STPG2: variants seen among roughly 807,000 people sequenced by gnomAD.
STPG2 encodes the protein sperm tail PG-rich repeat containing 2, also known as sperm-tail PG-rich repeat-containing protein 2.
In STPG2, 56 loss-of-function variants were observed where a neutral mutation model predicts 54.2. That is an observed-to-expected ratio of 1.03 (90% confidence interval 0.83 to 1.29). The LOEUF (loss-of-function observed/expected upper bound fraction) is 1.29. Among genes scored for constraint, STPG2 ranks in the 50% most tolerant of loss-of-function variants. The pLI is 0.00. For missense variants in STPG2, 596 were observed against 544.9 expected (o/e 1.09, Z -0.93); for synonymous variants, 200 against 181.8 (o/e 1.10, Z -0.81).
At chr4:97,892,285 G>A (rs1387136794) in intron 8 of STPG2, among the ~76,000 whole-genome samples, 1 of 152,116 alleles carries the variant, frequency 6.6e-6, no homozygotes, top group Non-Finnish European at 1.5e-5. Flanking sequence ...AGTAAGGTCA[G>A]GAGTCCATAC....
In STPG2 at chr4:97,972,360, C is replaced by T. The variant is rs1437326412; in HGVS notation, c.853G>A (p.Ala285Thr). 11 of 1,609,580 alleles carry T rather than the reference C, an allele frequency of 6.8e-6. No individual in the cohort carries two copies. Among genetic ancestry groups the T allele is most frequent in the Non-Finnish European group, 9.3e-6 (11 of 1,176,948 alleles). ...GTCCGAGGAACAGAAGAACCAAATG[C>T]ACTTTTCTTCTGTTTCTTTGAGCAG... is the stretch of plus-strand genomic sequence containing the variant. ...NICSKKQKKS[A>T]FGSSVPRTFF... The change falls in exon 7 of 11, where the codon GCA becomes ACA. Residue 285 changes from alanine (A) to threonine (T), a missense_variant. Transcript: ENST00000295268.
chr4:98,038,969 A>T (rs1736859002), intron 5 of STPG2, among the ~76,000 whole-genome samples: 1 of 152,014 alleles, frequency 6.6e-6, no homozygotes, highest in South Asian at 2.1e-4. Flanking sequence ...ATCACTCTGA[A>T]GTCAGAAAAT....
chr4:97,752,046 A>G (rs1725595950), intron 9 of STPG2, among the ~76,000 whole-genome samples: 2 of 151,842 alleles, frequency 1.3e-5, no homozygotes, highest in Non-Finnish European at 2.9e-5. Flanking sequence ...TTACATTTAG[A>G]AAAACTAAAA....
At chr4:97,788,521 T>C (rs1726894152) in intron 9 of STPG2, among the ~76,000 whole-genome samples, 1 of 152,152 alleles carries the variant, frequency 6.6e-6, no homozygotes, top group Non-Finnish European at 1.5e-5. Flanking sequence ...TTGTGAACAG[T>C]GCTGCCATAA....
At chr4:97,877,207 T>C (rs967965398) in intron 8 of STPG2, among the ~76,000 whole-genome samples, 2 of 152,152 alleles carry the variant, frequency 1.3e-5, no homozygotes, top group African/African-American at 4.8e-5. Context: ...AATCAACATC[T>C]TCCCTTTTCT....
At chr4:97,813,796 T>C (rs1426011413) in intron 9 of STPG2, among the ~76,000 whole-genome samples, 1 of 150,670 alleles carries the variant, frequency 6.6e-6, no homozygotes, top group Non-Finnish European at 1.5e-5. Context: ...ACTTAAGCAT[T>C]ACAACAACTT....
At chr4:98,064,952 T>G (rs965046440) in intron 5 of STPG2, among the ~76,000 whole-genome samples, 1 of 152,182 alleles carries the variant, frequency 6.6e-6, no homozygotes, top group African/African-American at 2.4e-5. Context: ...CAGACTGGAG[T>G]GCAGTGGTGC....
chr4:97,982,627 A>C (rs1734718661), intron 5 of STPG2, among the ~76,000 whole-genome samples: 1 of 152,148 alleles, frequency 6.6e-6, no homozygotes, highest in Non-Finnish European at 1.5e-5. Context: ...CCCCTTCAGT[A>C]CATAATCTAG....
chr4:97,741,409 C>T (rs1725228910), intron 9 of STPG2, among the ~76,000 whole-genome samples: 1 of 151,942 alleles, frequency 6.6e-6, no homozygotes, highest in Admixed American at 6.6e-5. Flanking sequence ...AAGAAACTAC[C>T]ATCAGAGTGA....
chr4:97,677,655 C>T (rs903652822), intron 10 of STPG2, among the ~76,000 whole-genome samples: 4 of 152,164 alleles, frequency 2.6e-5, no homozygotes, highest in African/African-American at 9.7e-5. Context: ...ACAAGAGCAA[C>T]CCTTTCCTTT....
chr4:97,661,738 G>GAA (rs547947933), intron 10 of STPG2, among the ~76,000 whole-genome samples: 1 of 141,628 alleles, frequency 7.1e-6, no homozygotes, highest in African/African-American at 2.6e-5. Context: ...ATACAGAAAA[G>GAA]AAAAAAAAAA....
intron 8 of STPG2, among the ~76,000 whole-genome samples, chr4:97,920,690 C>T (rs1732066887): frequency 6.6e-6 from 1 of 151,954 alleles, no homozygotes; most frequent in African/African-American, 2.4e-5. Flanking sequence ...CAGCTGACAA[C>T]CTGGCTGAGA....
chr4:97,930,702 T>A (rs575361328), intron 8 of STPG2, among the ~76,000 whole-genome samples: 134 of 152,212 alleles, frequency 8.8e-4, no homozygotes, highest in Non-Finnish European at 1.6e-3. Flanking sequence ...GGTTTTTTTC[T>A]AGTTCAGTGA....
intron 8 of STPG2, among the ~76,000 whole-genome samples, chr4:97,850,438 G>A (rs1729120675): frequency 6.7e-6 from 1 of 150,374 alleles, no homozygotes; most frequent in Admixed American, 6.6e-5. Flanking sequence ...TATTTCCAGA[G>A]GTTGAAGTAA....
chr4:97,972,384 A>G lies in STPG2; in HGVS notation c.829T>C (p.Cys277Arg), dbSNP rs373513497. Residue 277 changes from cysteine (C) to arginine (R), a missense_variant, in exon 7 of 11, where the codon TGC becomes CGC. Transcript: ENST00000295268. The part of the protein sequence containing the change: ...NTIIASVRNI[C>R]SKKQKKSAFG... ...GCACTTTTCTTCTGTTTCTTTGAGC[A>G]GATATTTCTAACACTGGCAATTATA... 1.2e-5 allele frequency: 19 copies of G among 1,607,936 alleles called. No homozygotes were observed. In the African/African-American group the frequency reaches 2.5e-4, roughly 22 times the overall value.
At chr4:97,658,350 C>A (rs1722276521) in intron 10 of STPG2, among the ~76,000 whole-genome samples, 1 of 152,110 alleles carries the variant, frequency 6.6e-6, no homozygotes, top group Non-Finnish European at 1.5e-5. Flanking sequence ...ATATTAAGTT[C>A]AATTGAAAAC....
rs369869303 is a variant in STPG2 at position 97,865,721 on chromosome 4, G to A, written c.1045-24789C>T. Among the ~76,000 whole-genome samples the A allele has an allele frequency of 9.9e-5, 15 of 152,104 alleles. No homozygotes were observed. In the East Asian group the frequency reaches 2.9e-3, roughly 29 times the overall value. On this transcript the variant is annotated intron_variant, in intron 8 of 10. Transcript: ENST00000295268. ...TGTTGTGGGGTAGGGTGAGGGGGAA[G>A]GGATAGTATTAAGAGATATACCTAA...
intron 4 of STPG2, among the ~76,000 whole-genome samples, chr4:97,476,520 G>T (rs899366433): frequency 5.9e-5 from 9 of 151,644 alleles, no homozygotes; most frequent in Non-Finnish European, 1.0e-4. Context: ...TTTCCATATT[G>T]CATTGTTTAG....
At chr4:97,613,492 G>A (rs1013592404) in intron 10 of STPG2, among the ~76,000 whole-genome samples, 1 of 119,052 alleles carries the variant, frequency 8.4e-6, no homozygotes, top group African/African-American at 7.7e-5. Flanking sequence ...GTGTGTGTGT[G>A]TGTGTGTGTG....
Sources: gnomAD v4.1 joint callset for allele counts (sites outside exome capture counted in the v4.1 genomes callset) on GRCh38, gnomAD v4.1.1 for gene constraint, MANE v1.5 for transcripts, NCBI Gene and HGNC (gene_info 2026-07-23, HGNC 2026-07-21) for gene names.